ZNF491: variants seen among roughly 807,000 people sequenced by gnomAD.
ZNF491 encodes zinc finger protein 491.
A neutral mutation model predicts 34.7 loss-of-function variants in ZNF491; 22 were observed. That is an observed-to-expected ratio of 0.63 (90% CI 0.45 to 0.90). ZNF491 has a LOEUF of 0.90. ZNF491 is among the 40% of genes least tolerant of loss of function. The pLI is 0.00. For missense variants in ZNF491, 559 were observed against 531.7 expected, an observed-to-expected ratio of 1.05 and a Z score of -0.51; for synonymous variants, 148 against 174.3, an observed-to-expected ratio of 0.85 and a Z score of 1.19.
chr19:11,802,997 T>C (rs964789866), intron 1 of ZNF491, among the ~76,000 whole-genome samples: 19 of 151,146 alleles, frequency 1.3e-4, no homozygotes, highest in African/African-American at 3.7e-4. Context: ...TTTTTTTTTT[T>C]CCAAGATGGA....
rs546479970 is a variant in ZNF491, at chr19:11,800,302, C to A, written c.-134+1575C>A. 4.6e-5 allele frequency among the ~76,000 whole-genome samples: 7 copies of A among 152,210 alleles called. No homozygotes were observed. In the East Asian group the frequency reaches 1.2e-3, roughly 25 times the overall value. The stretch of plus-strand genomic sequence containing the variant: ...GGAGTTTTTGGGACCCCTCTCCCAG[C>A]CTAGTTCTTCCCAGGTATGACAGTA... On this transcript the variant is annotated intron_variant, in intron 1 of 2. Transcript: ENST00000323169.
In ZNF491 at chr19:11,807,158, A is replaced by G. The variant is rs1038628197; in HGVS notation, c.1205A>G (p.Glu402Gly). ...FTCSIYIRIH[E>G]RIHTGEKPYQ... is the part of the protein sequence containing the mutation. ...TGTTCCATATATATTAGAATACATG[A>G]AAGAATTCACACTGGAGAGAAACCT... The change falls in exon 3 of 3, where the codon GAA becomes GGA. Residue 402 changes from glutamate to glycine, a missense_variant. Physicochemically the swap from Glu to Gly is moderately conservative, Grantham distance 98 (BLOSUM62 -2). Coordinates refer to ENST00000323169, the MANE Select transcript of ZNF491 (RefSeq NM_152356.4). 2.5e-6 allele frequency: 4 copies of G among 1,610,170 alleles called. No homozygotes were observed. The African/African-American group carries it at 4.0e-5, about 16-fold the overall frequency.
Position 11,807,254 on chromosome 19 carries a change from C to A in ZNF491, c.1301C>A (p.Thr434Asn). Residue 434 changes from threonine (T) to asparagine (N), a missense_variant, in exon 3 of 3, where the codon ACT (threonine) becomes AAT (asparagine). By Grantham distance (65) the Thr-to-Asn change is moderately conservative (BLOSUM62 0). Coordinates refer to ENST00000323169, the MANE Select transcript of ZNF491 (RefSeq NM_152356.4). ...SYCRKHERTH[T>N]INI is the part of the protein sequence containing the mutation. Reference sequence around the variant, plus strand: ...TGTCGAAAACATGAAAGAACTCACACTATTAATATATGAGAGAAATGCTAT... The same window carrying A: ...TGTCGAAAACATGAAAGAACTCACAATATTAATATATGAGAGAAATGCTAT... 6.5e-7 allele frequency: 1 copy of A among 1,539,668 alleles called. No individual in the cohort carries two copies. Among genetic ancestry groups the A allele is most frequent in the Non-Finnish European group, 8.7e-7 (1 of 1,148,520 alleles).
At position 11,807,456 on chromosome 19, in the gene ZNF491, G is replaced by A; in HGVS notation, c.*189G>A. ...TTCACTGGTGGCCTATCTTACATAT[G>A]ATTTCGAAGGCAGACATGAGGAAGG... On this transcript the variant is annotated 3_prime_UTR_variant, in exon 3 of 3. Coordinates refer to ENST00000323169, the MANE Select transcript of ZNF491 (RefSeq NM_152356.4). The A allele has an allele frequency of 1.3e-5, 6 of 469,198 alleles. No homozygotes were observed. The highest frequency in any genetic ancestry group is 2.3e-5 in the Non-Finnish European group (6 of 262,926). 29.1% of individuals were successfully genotyped at this position (469,198 alleles called of 1,614,324 possible).
chr19:11,805,530 G>A (rs1284556158), intron 2 of ZNF491, among the ~76,000 whole-genome samples: 4 of 151,236 alleles, frequency 2.6e-5, no homozygotes. Flanking sequence ...AGACAGGGCA[G>A]AAAGTCTACA....
intron 1 of ZNF491, among the ~76,000 whole-genome samples, chr19:11,800,959 C>T (rs892741514): frequency 6.6e-6 from 1 of 151,862 alleles, no homozygotes; most frequent in African/African-American, 2.4e-5. Flanking sequence ...ATCGCTTGAG[C>T]CCCGAAGATC....
intron 2 of ZNF491, among the ~76,000 whole-genome samples, chr19:11,805,192 C>T (rs900090687): frequency 6.6e-6 from 1 of 151,368 alleles, no homozygotes; most frequent in South Asian, 2.1e-4. Context: ...GGCGGATCAC[C>T]TGAGGTCGGG....
At chr19:11,799,924 C>G (rs1220402128) in intron 1 of ZNF491, among the ~76,000 whole-genome samples, 4 of 144,132 alleles carry the variant, frequency 2.8e-5, no homozygotes, top group African/African-American at 1.1e-4. Flanking sequence ...GAGCGAGACT[C>G]TGTTAAAAAA....
chr19:11,806,407 A>G lies in ZNF491; in HGVS notation c.454A>G (p.Thr152Ala). 1.2e-6 allele frequency: 2 copies of G among 1,613,486 alleles called. No homozygotes were observed. Among genetic ancestry groups the G allele is most frequent in the Non-Finnish European group, 1.7e-6 (2 of 1,179,768 alleles). ...CLSLYLTHER[T>A]HTGEKRYECK... is the part of the protein sequence containing the mutation. Reference sequence around the variant, plus strand: ...CAGTTTATACCTTACCCATGAACGAACTCACACTGGAGAGAAACGATATGA... The same window carrying G: ...CAGTTTATACCTTACCCATGAACGAGCTCACACTGGAGAGAAACGATATGA... Residue 152 changes from threonine to alanine, a missense_variant, in exon 3 of 3, where the codon ACT becomes GCT. Coordinates refer to ENST00000323169, the MANE Select transcript of ZNF491 (RefSeq NM_152356.4).
rs1016341683 is a variant in ZNF491 at position 11,808,061 on chromosome 19, A to C, written c.*794A>C. The stretch of plus-strand genomic sequence containing the variant: ...GATTGACAATGTGTATTTTTGAGGG[A>C]GCAAAGATTTCTGTACATATTTCTT... On this transcript the variant is annotated 3_prime_UTR_variant, in exon 3 of 3. Coordinates refer to ENST00000323169, the MANE Select transcript of ZNF491 (RefSeq NM_152356.4). 6.0e-6 allele frequency: 1 copy of C among 167,064 alleles called. No homozygotes were observed. Among genetic ancestry groups the C allele is most frequent in the African/African-American group, 2.4e-5 (1 of 41,434 alleles). The allele number at this position is 167,064 out of a possible 1,614,324, so 10.3% of individuals were successfully genotyped here. A position where few individuals can be genotyped will look rare whatever the true frequency, so the allele number is the denominator to read the frequency against.
chr19:11,801,637 A>G (rs1975560683), intron 1 of ZNF491, among the ~76,000 whole-genome samples: 1 of 152,250 alleles, frequency 6.6e-6, no homozygotes, highest in Non-Finnish European at 1.5e-5. Flanking sequence ...TTAGTCAATT[A>G]GTTTTCCTTT....
In ZNF491 at chr19:11,806,214, C is replaced by T; in HGVS notation, c.261C>T (p.Ser87=). The T allele has an allele frequency of 1.2e-6, 2 of 1,613,768 alleles. No individual in the cohort carries two copies. Among genetic ancestry groups the T allele is most frequent in the African/African-American group, 1.3e-5 (1 of 75,008 alleles). ...HKQRRKALSH[S]HCFRTHERPH... is the part of the protein sequence containing the mutation. ...AACGTAGGAAAGCCTTGAGCCATAG[C>T]CACTGCTTTCGAACACATGAAAGGC... The change falls in exon 3 of 3, where the codon AGC becomes AGT. Residue 87 remains serine (S), a synonymous_variant. Coordinates refer to ENST00000323169, the MANE Select transcript of ZNF491 (RefSeq NM_152356.4).
chr19:11,800,921 A>G (rs1975551862), intron 1 of ZNF491, among the ~76,000 whole-genome samples: 1 of 152,026 alleles, frequency 6.6e-6, no homozygotes, highest in South Asian at 2.1e-4. Flanking sequence ...AGTCTCAGCT[A>G]CTATACTCGG....
At chr19:11,802,313 C>T (rs566597236) in intron 1 of ZNF491, among the ~76,000 whole-genome samples, 1 of 152,300 alleles carries the variant, frequency 6.6e-6, no homozygotes, top group Admixed American at 6.5e-5. Flanking sequence ...AGTTTGTCAG[C>T]ATGCTCATCA....
rs200331127 is a variant in ZNF491 at position 11,807,002 on chromosome 19, C to G, written c.1049C>G (p.Thr350Ser). 79 of 1,612,282 alleles carry G rather than the reference C, an allele frequency of 4.9e-5. No homozygotes were observed. Among genetic ancestry groups the G allele is most frequent in the Admixed American group, 1.7e-5 (1 of 59,612 alleles). Reference protein sequence around the residue: ...KYIRIHGRTHTGEKPYECKQC... With the variant: ...KYIRIHGRTHSGEKPYECKQC... ...ATTCGAATACATGGAAGGACTCACACTGGTGAGAAACCCTATGAATGTAAG... is the reference window on the plus strand; with the variant it reads ...ATTCGAATACATGGAAGGACTCACAGTGGTGAGAAACCCTATGAATGTAAG... The change falls in exon 3 of 3, where the codon ACT becomes AGT. Residue 350 changes from threonine (T) to serine (S), a missense_variant. Physicochemically the swap from Thr to Ser is moderately conservative, Grantham distance 58 (BLOSUM62 1). Transcript: ENST00000323169.
intron 1 of ZNF491, 94 bp from the exon 2 acceptor site, chr19:11,804,448 T>G: frequency 7.4e-7 from 1 of 1,359,872 alleles, no homozygotes; most frequent in Non-Finnish European, 9.5e-7. Flanking sequence ...ATGTTTGGAG[T>G]CCACAGCATC....
rs745896290 is a variant in ZNF491 at position 11,807,268 on chromosome 19, G to C, written c.*1G>C. On this transcript the variant is annotated 3_prime_UTR_variant, in exon 3 of 3. Transcript: ENST00000323169. ...AAGAACTCACACTATTAATATATGA[G>C]AGAAATGCTATTTTTTAATTTTTAT... 5 of 1,509,292 alleles carry C rather than the reference G, an allele frequency of 3.3e-6. No homozygotes were observed. The African/African-American group carries it at 5.7e-5, about 17-fold the overall frequency. 93.5% of individuals were successfully genotyped at this position (1,509,292 alleles called of 1,614,324 possible).
rs1975613125 is a variant in ZNF491 at position 11,806,397 on chromosome 19, C to T, written c.444C>T (p.Thr148=). 2.5e-6 allele frequency: 4 copies of T among 1,613,244 alleles called. No individual in the cohort carries two copies. Among genetic ancestry groups the T allele is most frequent in the Non-Finnish European group, 3.4e-6 (4 of 1,179,754 alleles). Reference sequence around the variant, plus strand: ...TGGATTGTCTCAGTTTATACCTTACCCATGAACGAACTCACACTGGAGAGA... The same window carrying T: ...TGGATTGTCTCAGTTTATACCTTACTCATGAACGAACTCACACTGGAGAGA... ...KALDCLSLYL[T]HERTHTGEKR... is the part of the protein sequence containing the mutation. Residue 148 remains threonine, a synonymous_variant, in exon 3 of 3, where the codon ACC becomes ACT. Coordinates refer to ENST00000323169, the MANE Select transcript of ZNF491 (RefSeq NM_152356.4).
At position 11,807,210 on chromosome 19, in the gene ZNF491, C is replaced by A. The variant is rs750216762; in HGVS notation, c.1257C>A (p.Ala419=). Residue 419 remains alanine, a synonymous_variant, in exon 3 of 3, where the codon GCC becomes GCA. Transcript: ENST00000323169. ...KPYQCKECGK[A]FIRSSYCRKH... ...ACCAATGTAAGGAATGTGGGAAAGCCTTCATTCGTTCCAGTTACTGTCGAA... is the reference window on the plus strand; with the variant it reads ...ACCAATGTAAGGAATGTGGGAAAGCATTCATTCGTTCCAGTTACTGTCGAA... 4.4e-6 allele frequency: 7 copies of A among 1,581,520 alleles called. No individual in the cohort carries two copies. The highest frequency in any genetic ancestry group is 5.1e-6 in the Non-Finnish European group (6 of 1,167,222).
Sources: allele counts gnomAD v4.1 joint callset (sites outside exome capture counted in the v4.1 genomes callset), GRCh38; gene constraint gnomAD v4.1.1; transcripts MANE v1.5; gene names NCBI Gene and HGNC (gene_info 2026-07-23, HGNC 2026-07-21).